Variants in NCAM2 observed in about 807,000 individuals in gnomAD.
NCAM2 encodes N-CAM-2.
In NCAM2, 30 loss-of-function variants were observed where a neutral mutation model predicts 98.1. The observed-to-expected ratio is 0.31, with a 90% CI of 0.23 to 0.41. NCAM2 has a LOEUF of 0.41. Among genes scored for constraint, NCAM2 ranks in the 10% least tolerant of loss-of-function variants. The pLI is 1.00. For synonymous variants in NCAM2, 368 were observed against 342.4 expected, an observed-to-expected ratio of 1.07 and a Z score of -0.83; for missense variants, 867 against 1,005.8, an observed-to-expected ratio of 0.86 and a Z score of 1.87.
chr21:21,412,547 G>T (rs547517436), intron 10 of NCAM2, among the ~76,000 whole-genome samples: 2 of 152,054 alleles, frequency 1.3e-5, no homozygotes, highest in South Asian at 2.1e-4. Flanking sequence ...TAATGTGAAG[G>T]GACATTTTAT....
At chr21:21,121,113 C>T (rs568681852) in intron 1 of NCAM2, among the ~76,000 whole-genome samples, 2 of 152,214 alleles carry the variant, frequency 1.3e-5, no homozygotes, top group African/African-American at 4.8e-5. Context: ...TTCACATGAT[C>T]ATTATTTATA....
chr21:21,307,145 T>TTTAA (rs1324058940), intron 5 of NCAM2, among the ~76,000 whole-genome samples: 1 of 152,204 alleles, frequency 6.6e-6, no homozygotes, highest in African/African-American at 2.4e-5. Context: ...TGTAATTGGG[T>TTTAA]TTAAGCCTAT....
intron 1 of NCAM2, among the ~76,000 whole-genome samples, chr21:21,231,554 G>A (rs1287934390): frequency 1.3e-5 from 2 of 151,260 alleles, no homozygotes; most frequent in African/African-American, 4.8e-5. Flanking sequence ...TATGTTTCAA[G>A]GACAGTTTTA....
intron 12 of NCAM2, among the ~76,000 whole-genome samples, chr21:21,445,448 C>A (rs907941581): frequency 2.0e-5 from 3 of 152,068 alleles, no homozygotes; most frequent in Non-Finnish European, 1.5e-5. Context: ...AAGTCTCCCA[C>A]TGTTATTGTG....
intron 1 of NCAM2, among the ~76,000 whole-genome samples, chr21:21,033,898 C>T (rs755783287): frequency 1.3e-5 from 2 of 151,964 alleles, no homozygotes; most frequent in African/African-American, 2.4e-5. Context: ...AATAGTCATC[C>T]GAAAGTATGT....
At chr21:21,126,236 T>TA (rs778070776) in intron 1 of NCAM2, among the ~76,000 whole-genome samples, 3,488 of 97,536 alleles carry the variant, frequency 0.036, 166 homozygotes, top group African/African-American at 0.11. Context: ...TCATGGAACA[T>TA]AAAAAAAAAA....
At chr21:21,210,853 TA>T (rs1046227720) in intron 1 of NCAM2, among the ~76,000 whole-genome samples, 7 of 150,862 alleles carry the variant, frequency 4.6e-5, no homozygotes, top group Non-Finnish European at 1.0e-4. Flanking sequence ...TGGTGTGGGG[TA>T]AGGCAGAGGA....
rs545317214 is a variant in NCAM2 at position 21,367,746 on chromosome 21, A to G, written c.1045-6117A>G. On this transcript the variant is annotated intron_variant, in intron 8 of 17. Coordinates refer to ENST00000400546, the MANE Select transcript of NCAM2 (RefSeq NM_004540.5). ...TTAATCTGCATAGGTATCCTTTGAA[A>G]TCTGTATTCTTATCATACCCATTAT... 3.3e-5 allele frequency among the ~76,000 whole-genome samples: 5 copies of G among 152,096 alleles called. No individual in the cohort carries two copies. The East Asian group carries it at 9.7e-4, about 30-fold the overall frequency.
At chr21:21,198,000 T>A (rs1026001961) in intron 1 of NCAM2, among the ~76,000 whole-genome samples, 1 of 152,184 alleles carries the variant, frequency 6.6e-6, no homozygotes, top group Non-Finnish European at 1.5e-5. Flanking sequence ...CTCTGCCAAA[T>A]TATGTTAATA....
At chr21:21,080,572 G>T (rs1385898864) in intron 1 of NCAM2, among the ~76,000 whole-genome samples, 3 of 146,656 alleles carry the variant, frequency 2.0e-5, no homozygotes, top group Admixed American at 7.0e-5. Flanking sequence ...GCTGAGATTG[G>T]GCCATTGCAC....
At chr21:21,518,136 T>A (rs998733185) in intron 16 of NCAM2, among the ~76,000 whole-genome samples, 2 of 152,204 alleles carry the variant, frequency 1.3e-5, no homozygotes, top group South Asian at 2.1e-4. Flanking sequence ...AATTTATGCA[T>A]CAGGGTTAGA....
intron 1 of NCAM2, among the ~76,000 whole-genome samples, chr21:21,094,976 T>C (rs1367264960): frequency 2.0e-5 from 3 of 151,730 alleles, no homozygotes; most frequent in African/African-American, 7.2e-5. Flanking sequence ...TTCACTAAAC[T>C]GGAGTTAATT....
chr21:21,281,739 C>A (rs898699415), intron 2 of NCAM2, among the ~76,000 whole-genome samples: 4 of 151,778 alleles, frequency 2.6e-5, no homozygotes. Context: ...AGAATTGTTT[C>A]TAATCTTGAT....
In NCAM2 at chr21:21,477,380, T is replaced by G; in HGVS notation, c.1986T>G (p.Tyr662Ter). 6.2e-7 allele frequency: 1 copy of G among 1,612,822 alleles called. No homozygotes were observed. ...AGCATCTCCAGTGGACCATGGGGTATGAAGTTCAGATTACAGCTGCCAATA... is the reference window on the plus strand; with the variant it reads ...AGCATCTCCAGTGGACCATGGGGTAGGAAGTTCAGATTACAGCTGCCAATA... ...ILEHLQWTMG[Y>*]EVQITAANRL... Residue 662 changes from tyrosine (Y) to a stop codon, truncating the protein, a stop_gained, in exon 15 of 18, where the codon TAT (tyrosine) becomes TAG (stop). Coordinates refer to ENST00000400546, the MANE Select transcript of NCAM2 (RefSeq NM_004540.5). LOFTEE classifies it high-confidence loss of function.
intron 1 of NCAM2, among the ~76,000 whole-genome samples, chr21:21,030,955 A>AG (rs943275024): frequency 3.7e-4 from 56 of 152,134 alleles, no homozygotes; most frequent in African/African-American, 1.3e-3. Context: ...TTAAAATAAA[A>AG]AAGATAATGA....
At chr21:21,201,940 C>G (rs113281204) in intron 1 of NCAM2, among the ~76,000 whole-genome samples, 2,658 of 152,222 alleles carry the variant, frequency 0.017, 31 homozygotes, top group Non-Finnish European at 0.027. Flanking sequence ...AAAAAGACTT[C>G]CAGGTGGTCT....
At chr21:21,484,109 T>C (rs1394611119) in intron 15 of NCAM2, among the ~76,000 whole-genome samples, 1 of 152,116 alleles carries the variant, frequency 6.6e-6, no homozygotes, top group Non-Finnish European at 1.5e-5. Context: ...AATTTACATT[T>C]TCAACTTATA....
At chr21:21,328,954 ATTTTTTT>A (rs1178878212) in intron 6 of NCAM2, among the ~76,000 whole-genome samples, 1 of 138,436 alleles carries the variant, frequency 7.2e-6, no homozygotes, top group Non-Finnish European at 1.6e-5. Context: ...TATAGCATTA[ATTTTTTT>A]TTTTTTTTTT....
chr21:21,065,552 G>T (rs998422173), intron 1 of NCAM2, among the ~76,000 whole-genome samples: 1 of 152,144 alleles, frequency 6.6e-6, no homozygotes. Context: ...TCTTCTTTAC[G>T]TTGTGTTTTT....
Sources: allele counts gnomAD v4.1 joint callset (sites outside exome capture counted in the v4.1 genomes callset), GRCh38; gene constraint gnomAD v4.1.1; transcripts MANE v1.5; gene names NCBI Gene and HGNC (gene_info 2026-07-23, HGNC 2026-07-21).